PCSK5: variants seen among roughly 807,000 people sequenced by gnomAD.
PCSK5 encodes the protein prohormone convertase 5.
PCSK5 carries 129 observed loss-of-function variants against 233.2 expected under a neutral mutation model. The ratio of observed to expected loss-of-function variants is 0.55; its 90% CI spans 0.48 to 0.64. The LOEUF is 0.64. Ranked by LOEUF, PCSK5 falls within the 30% of genes least tolerant of loss-of-function variation. The pLI is 0.00. For missense variants in PCSK5, 2,076 were observed against 2,430.1 expected (o/e 0.85, Z 3.06); for synonymous variants, 825 against 879.2 (o/e 0.94, Z 1.09).
chr9:76,196,527 C>T (rs1383805575), intron 20 of PCSK5, among the ~76,000 whole-genome samples: 4 of 152,210 alleles, frequency 2.6e-5, no homozygotes, highest in African/African-American at 9.6e-5. Context: ...CAGTGCTCTG[C>T]CTTTTGGGGA....
At chr9:76,181,674 G>A (rs1823879475) in intron 16 of PCSK5, 83 bp downstream of exon 16, 1 of 868,262 alleles carries the variant, frequency 1.2e-6, no homozygotes, top group Non-Finnish European at 1.8e-6. Flanking sequence ...TAGCCTCTTT[G>A]TGAAATCTGG....
intron 25 of PCSK5, among the ~76,000 whole-genome samples, chr9:76,292,927 T>G (rs948934396): frequency 1.3e-5 from 2 of 152,192 alleles, no homozygotes; most frequent in Non-Finnish European, 2.9e-5. Context: ...TCCCTCCCTG[T>G]CCTCCTAAGA....
chr9:76,029,625 A>G (rs888274864), intron 5 of PCSK5, among the ~76,000 whole-genome samples: 1 of 152,164 alleles, frequency 6.6e-6, no homozygotes, highest in East Asian at 1.9e-4. Context: ...AATCTCAGAT[A>G]AGACTTTTTT....
At chr9:76,096,661 G>A (rs1484666355) in intron 8 of PCSK5, among the ~76,000 whole-genome samples, 1 of 151,284 alleles carries the variant, frequency 6.6e-6, no homozygotes, top group Non-Finnish European at 1.5e-5. Context: ...GAGGGCAGTG[G>A]TGTGATCTCA....
intron 15 of PCSK5, among the ~76,000 whole-genome samples, chr9:76,180,914 G>A (rs1247701851): frequency 6.8e-6 from 1 of 147,196 alleles, no homozygotes; most frequent in East Asian, 2.0e-4. Flanking sequence ...TTTTTTAAGT[G>A]TTCTCATATA....
chr9:76,335,429 T>C (rs913613929), intron 34 of PCSK5, among the ~76,000 whole-genome samples: 1 of 152,218 alleles, frequency 6.6e-6, no homozygotes, highest in East Asian at 1.9e-4. Context: ...ATAACCCTTG[T>C]ATGTTAAATC....
At chr9:76,090,227 C>A (rs1411721352) in intron 7 of PCSK5, among the ~76,000 whole-genome samples, 2 of 152,090 alleles carry the variant, frequency 1.3e-5, no homozygotes, top group Non-Finnish European at 2.9e-5. Flanking sequence ...TGCACCCTCC[C>A]TTCTCCCTGC....
chr9:76,328,742 A>G (rs947645913), intron 33 of PCSK5, among the ~76,000 whole-genome samples: 2 of 152,034 alleles, frequency 1.3e-5, no homozygotes, highest in Non-Finnish European at 2.9e-5. Flanking sequence ...CCATATTACA[A>G]TTTTCTCAGT....
chr9:76,191,776 A>G (rs1824391582), intron 20 of PCSK5, among the ~76,000 whole-genome samples: 1 of 152,100 alleles, frequency 6.6e-6, no homozygotes, highest in Non-Finnish European at 1.5e-5. Flanking sequence ...AGTTACCAGC[A>G]AGTGCCTCCT....
intron 36 of PCSK5, 84 bp downstream of exon 36, chr9:76,351,012 C>A: frequency 1.4e-6 from 1 of 695,676 alleles, no homozygotes. Context: ...TCTGGGCAAT[C>A]AAAATGTCCC....
At chr9:75,933,002 A>T (rs1823879227) in intron 2 of PCSK5, among the ~76,000 whole-genome samples, 1 of 152,080 alleles carries the variant, frequency 6.6e-6, no homozygotes, top group Admixed American at 6.6e-5. Flanking sequence ...CAGAAAGGGG[A>T]GAAGCTGACT....
At chr9:76,090,881 T>C (rs962630446) in intron 7 of PCSK5, among the ~76,000 whole-genome samples, 6 of 152,298 alleles carry the variant, frequency 3.9e-5, no homozygotes, top group Non-Finnish European at 7.4e-5. Context: ...TGGTCCCATC[T>C]GGGGGTGATA....
At chr9:75,950,948 C>T (rs146609096) in intron 2 of PCSK5, among the ~76,000 whole-genome samples, 1 of 152,282 alleles carries the variant, frequency 6.6e-6, no homozygotes, top group African/African-American at 2.4e-5. Flanking sequence ...TGTTGTCTTT[C>T]AGATTGTATG....
At chr9:75,913,147 G>A (rs1822822982) in intron 1 of PCSK5, among the ~76,000 whole-genome samples, 1 of 151,990 alleles carries the variant, frequency 6.6e-6, no homozygotes, top group African/African-American at 2.4e-5. Flanking sequence ...ACAATGACTG[G>A]GCACATTCTT....
chr9:76,189,661 C>T lies in PCSK5; in HGVS notation c.2541C>T (p.Gly847=), dbSNP rs761514136. Residue 847 remains glycine, a synonymous_variant, in exon 20 of 38, where the codon GGC becomes GGT. Transcript: ENST00000674117. ...ATATCAGTTGTTTGACGTGCAATGG[C>T]CCAGGATTCAAGAACTGTACAAGCT... ...KCDISCLTCN[G]PGFKNCTSCP... is the part of the protein sequence containing the mutation. The T allele has an allele frequency of 1.9e-6, 3 of 1,612,508 alleles. No individual in the cohort carries two copies. The highest frequency in any genetic ancestry group is 2.5e-6 in the Non-Finnish European group (3 of 1,178,620).
chr9:76,103,618 C>T (rs944462446), intron 8 of PCSK5, among the ~76,000 whole-genome samples: 3 of 152,170 alleles, frequency 2.0e-5, no homozygotes, highest in Non-Finnish European at 4.4e-5. Context: ...TAAACCTGAA[C>T]AGTACCCACC....
At chr9:76,078,889 A>T (rs7028028) in intron 7 of PCSK5, among the ~76,000 whole-genome samples, 102,292 of 152,004 alleles carry the variant, frequency 0.67, 34,692 homozygotes, top group South Asian at 0.76. Flanking sequence ...TAGGAAAAGC[A>T]TTGAATCTAT....
Position 76,319,583 on chromosome 9 carries a change from C to T in PCSK5, c.3885-1839C>T, listed in dbSNP as rs570217194. On this transcript the variant is annotated intron_variant, in intron 30 of 37. Coordinates refer to ENST00000674117, the MANE Select transcript of PCSK5 (RefSeq NM_001372043.1). ...GCCGCTTGAGGGCTCCTTGGTCGAGCGGTAACGCCAGTGTCTGGGAAGGCA... is the reference window on the plus strand; with the variant it reads ...GCCGCTTGAGGGCTCCTTGGTCGAGTGGTAACGCCAGTGTCTGGGAAGGCA... Among the ~76,000 whole-genome samples, 908 of 152,156 alleles carry T rather than the reference C, an allele frequency of 6.0e-3. 13 individuals are homozygous for T. The highest frequency in any genetic ancestry group is 0.021 in the African/African-American group (859 of 41,496).
chr9:76,109,921 C>G (rs1174247793), intron 9 of PCSK5, among the ~76,000 whole-genome samples: 2 of 152,136 alleles, frequency 1.3e-5, no homozygotes, highest in African/African-American at 4.8e-5. Context: ...TGAAACATAT[C>G]TAAAACTAAG....
Sources: allele counts gnomAD v4.1 joint callset (sites outside exome capture counted in the v4.1 genomes callset), GRCh38; gene constraint gnomAD v4.1.1; transcripts MANE v1.5; gene names NCBI Gene and HGNC (gene_info 2026-07-23, HGNC 2026-07-21).